Variants in TBC1D25 observed in about 807,000 individuals in gnomAD.
TBC1D25 encodes the protein 5SN3 snoRNA.
TBC1D25 carries 13 observed loss-of-function variants against 38.8 expected under a neutral mutation model. That is an observed-to-expected ratio of 0.34 (90% CI 0.22 to 0.53). TBC1D25 has a LOEUF of 0.53. Among genes scored for constraint, TBC1D25 ranks in the 20% least tolerant of loss-of-function variants. TBC1D25 has a pLI of 0.94. For missense variants in TBC1D25, 372 were observed against 600.0 expected (o/e 0.62, Z 3.97); for synonymous variants, 225 against 255.6 (o/e 0.88, Z 1.14).
At position 48,559,624 on chromosome X, in the gene TBC1D25, G is replaced by A. The variant is rs1556985438; in HGVS notation, c.716G>A (p.Arg239Gln). The A allele has an allele frequency of 1.7e-6, 2 of 1,208,548 alleles. No individual in the cohort carries two copies. The highest frequency in any genetic ancestry group is 2.2e-6 in the Non-Finnish European group (2 of 893,571). The change falls in exon 6 of 6, where the codon CGG (arginine) becomes CAG (glutamine). Residue 239 changes from arginine to glutamine, a missense_variant. Arg to Gln is a conservative substitution (Grantham distance 43). Around this residue, in one of 2 missense-constraint regions of TBC1D25, gnomAD observed 312 missense variants for 549.3 expected, o/e 0.57. Coordinates refer to ENST00000376771, the MANE Select transcript of TBC1D25 (RefSeq NM_002536.4). ...VEPSLRKVVW[R>Q]YLLNVYPDGL... ...TTCACCCCTGGGCAGGTGGTGTGGC[G>A]GTACCTGCTGAACGTGTATCCAGAT...
At position 48,560,016 on chromosome X, in the gene TBC1D25, G is replaced by A. The variant is rs1416649486; in HGVS notation, c.1108G>A (p.Gly370Ser). The change falls in exon 6 of 6, where the codon GGC becomes AGC. Residue 370 changes from glycine (G) to serine (S), a missense_variant. By Grantham distance (56) the Gly-to-Ser change is moderately conservative (BLOSUM62 0). Transcript: ENST00000376771. ...CCTGGCCGCCAACTTCCACCCTGAC[G>A]GCCGCGCCATGGCCACCAAGTTTGC... Reference protein sequence around the residue: ...KRLAANFHPDGRAMATKFAHL... With the variant: ...KRLAANFHPDSRAMATKFAHL... The A allele has an allele frequency of 1.7e-6, 2 of 1,210,280 alleles. No homozygotes were observed. The highest frequency in any genetic ancestry group is 1.7e-5 in the African/African-American group (1 of 57,828).
At chrX:48,542,677 G>A (rs1602100344) in intron 2 of TBC1D25, among the ~76,000 whole-genome samples, 1 of 102,627 alleles carries the variant, frequency 9.7e-6, no homozygotes. Context: ...TGGTCAGGCT[G>A]GTCTCAAACT....
At chrX:48,557,592 G>A (rs1462384396) in intron 3 of TBC1D25, among the ~76,000 whole-genome samples, 3 of 106,588 alleles carry the variant, frequency 2.8e-5, no homozygotes, top group Non-Finnish European at 5.8e-5. Context: ...GCAGTGAGCC[G>A]AGATCCCGTC....
chrX:48,540,613 A>C (rs1225148377), intron 1 of TBC1D25, among the ~76,000 whole-genome samples: 1 of 111,522 alleles, frequency 9.0e-6, no homozygotes, highest in South Asian at 3.7e-4. Context: ...GAAGAGTGGT[A>C]GGAGGTGAAT....
At position 48,549,342 on chromosome X, in the gene TBC1D25, C is replaced by T. The variant is rs2061911240; in HGVS notation, c.388+4319C>T. 2.7e-5 allele frequency among the ~76,000 whole-genome samples: 3 copies of T among 112,639 alleles called. No individual in the cohort carries two copies. The South Asian group carries it at 1.1e-3, about 41-fold the overall frequency. On this transcript the variant is annotated intron_variant, in intron 3 of 5. Transcript: ENST00000376771. ...GGAGCCACCGTGCCCAGCCCCCAAC[C>T]TCCTTTCTATCATAGGTACTGCAAA...
Position 48,559,179 on chromosome X carries a change from G to A in TBC1D25, c.538G>A (p.Val180Ile). The change falls in exon 5 of 6, where the codon GTC (valine) becomes ATC (isoleucine). Residue 180 changes from valine (V) to isoleucine (I), a missense_variant. Transcript: ENST00000376771. ...LTQVGRTLSK[V>I]QQVLSWSYGE... ...ATAGGTGGGCCGTACCTTGTCTAAG[G>A]TCCAACAAGTGCTGAGCTGGTCGTA... 8.3e-7 allele frequency: 1 copy of A among 1,210,910 alleles called. No individual in the cohort carries two copies. The highest frequency in any genetic ancestry group is 1.1e-6 in the Non-Finnish European group (1 of 895,314).
chrX:48,545,102 T>TC (rs1465649528), intron 3 of TBC1D25, 79 bp downstream of exon 3: 43 of 1,118,260 alleles, frequency 3.8e-5, no homozygotes, highest in Admixed American at 2.4e-4. Flanking sequence ...CACAGTACAC[T>TC]CCCTCATGGT....
intron 2 of TBC1D25, 113 bp from the exon 3 acceptor site, chrX:48,544,756 T>C (rs1309994160): frequency 4.2e-6 from 4 of 954,932 alleles, no homozygotes; most frequent in Non-Finnish European, 5.7e-6. Context: ...ACCTTGCACA[T>C]AGTAGGAAGT....
At chrX:48,557,883 A>G (rs781840268) in intron 3 of TBC1D25, among the ~76,000 whole-genome samples, 3 of 109,592 alleles carry the variant, frequency 2.7e-5, no homozygotes, top group Non-Finnish European at 3.8e-5. Flanking sequence ...GGCCAAGGCG[A>G]GTGGATCACG....
At chrX:48,545,608 C>T (rs945227266) in intron 3 of TBC1D25, among the ~76,000 whole-genome samples, 1 of 111,716 alleles carries the variant, frequency 9.0e-6, no homozygotes, top group Non-Finnish European at 1.9e-5. Context: ...CTTGCCTATT[C>T]TGGTCCCTGC....
At position 48,557,638 on chromosome X, in the gene TBC1D25, C is replaced by T. The variant is rs782050666; in HGVS notation, c.389-1259C>T. Among the ~76,000 whole-genome samples the T allele has an allele frequency of 7.7e-5, 8 of 104,235 alleles. No homozygotes were observed. The South Asian group carries it at 3.4e-3, about 44-fold the overall frequency. The allele number at this position is 104,235 out of a possible 115,157, so 90.5% of individuals were successfully genotyped here. ...AGCCTGGGCAACAAGAGTGAAACTCCGCCTCAAAAAAAAAAAAAAAATTAG... is the reference window on the plus strand; with the variant it reads ...AGCCTGGGCAACAAGAGTGAAACTCTGCCTCAAAAAAAAAAAAAAAATTAG... On this transcript the variant is annotated intron_variant, in intron 3 of 5. Coordinates refer to ENST00000376771, the MANE Select transcript of TBC1D25 (RefSeq NM_002536.4).
At chrX:48,548,465 A>T (rs1415785069) in intron 3 of TBC1D25, among the ~76,000 whole-genome samples, 8 of 110,858 alleles carry the variant, frequency 7.2e-5, no homozygotes, top group Non-Finnish European at 1.5e-4. Context: ...TTTTTAAAAA[A>T]TTTTCTTGAA....
At chrX:48,556,777 C>T (rs2061979512) in intron 3 of TBC1D25, among the ~76,000 whole-genome samples, 1 of 104,416 alleles carries the variant, frequency 9.6e-6, no homozygotes, top group Non-Finnish European at 2.0e-5. Context: ...AAGCCAGCCA[C>T]TGGACATTGC....
chrX:48,560,548 C>T lies in TBC1D25; in HGVS notation c.1640C>T (p.Pro547Leu). The T allele has an allele frequency of 1.7e-6, 2 of 1,209,542 alleles. No homozygotes were observed. Among genetic ancestry groups the T allele is most frequent in the Non-Finnish European group, 1.1e-6 (1 of 894,217 alleles). Residue 547 changes from proline to leucine, a missense_variant, in exon 6 of 6, where the codon CCA becomes CTA. Around this residue, in one of 2 missense-constraint regions of TBC1D25, gnomAD observed 312 missense variants for 549.3 expected, o/e 0.57. Transcript: ENST00000376771. ...KSLSEPLLNS[P>L]DPLLSSFSHP... ...CTCTCTGAGCCTTTATTGAACTCCC[C>T]AGACCCACTGCTCTCCTCCTTTTCC... is the stretch of plus-strand genomic sequence containing the variant.
chrX:48,560,012 T>G lies in TBC1D25; in HGVS notation c.1104T>G (p.Pro368=). 1 of 1,210,495 alleles carries G rather than the reference T, an allele frequency of 8.3e-7. No homozygotes were observed. Among genetic ancestry groups the G allele is most frequent in the Non-Finnish European group, 1.1e-6 (1 of 894,823 alleles). ...IMKRLAANFH[P]DGRAMATKFA... is the part of the protein sequence containing the mutation. ...AACGCCTGGCCGCCAACTTCCACCC[T>G]GACGGCCGCGCCATGGCCACCAAGT... Residue 368 remains proline, a synonymous_variant, in exon 6 of 6, where the codon CCT becomes CCG. Coordinates refer to ENST00000376771, the MANE Select transcript of TBC1D25 (RefSeq NM_002536.4).
rs141669093 is a variant in TBC1D25 at position 48,556,099 on chromosome X, A to G, written c.389-2798A>G. Among the ~76,000 whole-genome samples the G allele has an allele frequency of 1.2e-3, 134 of 107,620 alleles. No individual in the cohort carries two copies. In the East Asian group the frequency reaches 0.032, roughly 25 times the overall value. The allele number at this position is 107,620 out of a possible 115,157, so 93.5% of individuals were successfully genotyped here. A position where few individuals can be genotyped will look rare whatever the true frequency, so the allele number is the denominator to read the frequency against. On this transcript the variant is annotated intron_variant, in intron 3 of 5. Coordinates refer to ENST00000376771, the MANE Select transcript of TBC1D25 (RefSeq NM_002536.4). The stretch of plus-strand genomic sequence containing the variant: ...TACTCCTCCTCAGCATAGACCCTTT[A>G]TGCGTGTCGGGCTGGGGGATGTAAG...
At position 48,560,705 on chromosome X, in the gene TBC1D25, T is replaced by C. The variant is rs782695938; in HGVS notation, c.1797T>C (p.Pro599=). Residue 599 remains proline, a synonymous_variant, in exon 6 of 6, where the codon CCT becomes CCC. Coordinates refer to ENST00000376771, the MANE Select transcript of TBC1D25 (RefSeq NM_002536.4). ...SPKDPGKSLP[P]VPPMGLPPPQ... is the part of the protein sequence containing the mutation. ...AAGACCCTGGAAAGTCCCTGCCACC[T>C]GTACCACCAATGGGCCTGCCCCCAC... The C allele has an allele frequency of 1.6e-6, 2 of 1,212,126 alleles. No individual in the cohort carries two copies. The highest frequency in any genetic ancestry group is 3.5e-5 in the South Asian group (2 of 57,019).
Position 48,559,595 on chromosome X carries a change from C to A in TBC1D25, c.706-19C>A, listed in dbSNP as rs375090831. ...TTTATCTGGAGAACTCCAGCCTCAT[C>A]CCTTTCACCCCTGGGCAGGTGGTGT... On this transcript the variant is annotated intron_variant, in intron 5 of 5. Transcript: ENST00000376771. 157 of 1,197,382 alleles carry A rather than the reference C, an allele frequency of 1.3e-4. 1 individual carries two copies. The African/African-American group carries it at 2.5e-3, about 19-fold the overall frequency.
chrX:48,541,548 T>C, intron 2 of TBC1D25, 106 bp downstream of exon 2: 1 of 782,941 alleles, frequency 1.3e-6, no homozygotes. Flanking sequence ...CTACAAATAA[T>C]CCCACAGTGA....
Sources: allele counts gnomAD v4.1 joint callset (sites outside exome capture counted in the v4.1 genomes callset), GRCh38; gene constraint gnomAD v4.1.1; regional missense constraint gnomAD v4.1.1; transcripts MANE v1.5; gene names NCBI Gene and HGNC (gene_info 2026-07-23, HGNC 2026-07-21).